Variants in SNTG1 observed in about 807,000 individuals in gnomAD.
SNTG1 encodes syntrophin gamma 1, also known as gamma-1-syntrophin.
In SNTG1, 39 loss-of-function variants were observed where a neutral mutation model predicts 74.7. The observed-to-expected ratio is 0.52, with a 90% CI of 0.40 to 0.68. The LOEUF is 0.68. Ranked by LOEUF, SNTG1 falls within the 30% of genes least tolerant of loss-of-function variation. The pLI is 0.00. For missense variants in SNTG1, 685 were observed against 609.5 expected, an observed-to-expected ratio of 1.12 and a Z score of -1.30; for synonymous variants, 254 against 217.1, an observed-to-expected ratio of 1.17 and a Z score of -1.49.
At chr8:50,141,596 T>C (rs117380935) in intron 1 of SNTG1, among the ~76,000 whole-genome samples, 2 of 152,194 alleles carry the variant, frequency 1.3e-5, no homozygotes, top group Admixed American at 6.6e-5. Flanking sequence ...ATGGAACATT[T>C]TGAGTATCTG....
intron 13 of SNTG1, among the ~76,000 whole-genome samples, chr8:50,649,029 T>C (rs1212779249): frequency 2.0e-5 from 3 of 152,234 alleles, no homozygotes; most frequent in Non-Finnish European, 2.9e-5. Flanking sequence ...TTCATTCATG[T>C]TGTTCCATGT....
intron 17 of SNTG1, among the ~76,000 whole-genome samples, chr8:50,747,280 G>A (rs548798916): frequency 3.9e-5 from 6 of 151,962 alleles, no homozygotes; most frequent in East Asian, 1.9e-4. Context: ...TTATGCTTCA[G>A]TAATTCCTTG....
chr8:50,780,964 G>T (rs984903093), intron 18 of SNTG1, among the ~76,000 whole-genome samples: 3 of 151,938 alleles, frequency 2.0e-5, no homozygotes, highest in Non-Finnish European at 4.4e-5. Flanking sequence ...ATTACGTACC[G>T]AGTAGTCATT....
At chr8:50,196,597 G>A (rs549111947) in intron 2 of SNTG1, among the ~76,000 whole-genome samples, 1 of 151,940 alleles carries the variant, frequency 6.6e-6, no homozygotes, top group African/African-American at 2.4e-5. Flanking sequence ...CTTCATAGAA[G>A]AGCAAGGAGA....
chr8:50,459,207 C>A (rs141758155), intron 8 of SNTG1, among the ~76,000 whole-genome samples: 111 of 152,204 alleles, frequency 7.3e-4, no homozygotes, highest in African/African-American at 2.4e-3. Flanking sequence ...TTTCCAAATT[C>A]TTAATGCTGT....
chr8:50,391,266 A>G (rs1215027881), intron 2 of SNTG1, among the ~76,000 whole-genome samples: 1 of 152,182 alleles, frequency 6.6e-6, no homozygotes, highest in Non-Finnish European at 1.5e-5. Context: ...ATGTATTGAG[A>G]GTCTTTAGCG....
chr8:50,282,369 C>T (rs1032940749), intron 2 of SNTG1, among the ~76,000 whole-genome samples: 1 of 152,150 alleles, frequency 6.6e-6, no homozygotes, highest in Non-Finnish European at 1.5e-5. Flanking sequence ...CCAAAATAAA[C>T]ATGTCTTTCA....
chr8:50,530,142 T>C (rs2094254973), intron 9 of SNTG1, 35 bp from the exon 10 acceptor site: 1 of 1,574,974 alleles, frequency 6.3e-7, no homozygotes, highest in Admixed American at 1.7e-5. Context: ...TATGGCATTC[T>C]CACCAGTGGA....
In SNTG1 at chr8:50,751,998, T is replaced by A. The variant is rs763934937; in HGVS notation, c.1285-3T>A. 1 of 1,538,710 alleles carries A rather than the reference T, an allele frequency of 6.5e-7. No homozygotes were observed. Among genetic ancestry groups the A allele is most frequent in the Admixed American group, 2.3e-5 (1 of 44,296 alleles). ...CTTACATTGTTTTTTTTCCCCCCTT[T>A]AGGCTGTCCTTTGGAGGTATAAATT... On this transcript the variant is annotated splice_region_variant and splice_polypyrimidine_tract_variant and intron_variant, in intron 17 of 18. Transcript: ENST00000642720.
At chr8:50,463,514 G>C (rs1279550103) in intron 8 of SNTG1, among the ~76,000 whole-genome samples, 1 of 152,116 alleles carries the variant, frequency 6.6e-6, no homozygotes, top group Non-Finnish European at 1.5e-5. Context: ...AGGGCTCTTG[G>C]GCGAGCAGGT....
At chr8:50,656,482 C>A (rs1378527127) in intron 13 of SNTG1, among the ~76,000 whole-genome samples, 1 of 152,144 alleles carries the variant, frequency 6.6e-6, no homozygotes, top group East Asian at 1.9e-4. Flanking sequence ...CATAAGATGT[C>A]TATCTGATTT....
chr8:50,232,250 C>T (rs2085666842), intron 2 of SNTG1, among the ~76,000 whole-genome samples: 1 of 151,350 alleles, frequency 6.6e-6, no homozygotes, highest in Non-Finnish European at 1.5e-5. Context: ...GAAATATACA[C>T]TGTGACCAAG....
chr8:50,693,599 C>T (rs111292818), intron 15 of SNTG1, among the ~76,000 whole-genome samples: 4 of 152,186 alleles, frequency 2.6e-5, no homozygotes, highest in East Asian at 1.9e-4. Context: ...TTGAACAATG[C>T]GTTAGACCAA....
chr8:50,280,309 A>C (rs1187894408), intron 2 of SNTG1, among the ~76,000 whole-genome samples: 5 of 152,202 alleles, frequency 3.3e-5, no homozygotes, highest in Non-Finnish European at 5.9e-5. Context: ...CAATTTCTGC[A>C]TTTGGAGGAC....
chr8:50,491,097 T>C (rs554228555), intron 8 of SNTG1: 1 of 152,512 alleles, frequency 6.6e-6, no homozygotes, highest in African/African-American at 2.4e-5. Flanking sequence ...CAGATGTCCT[T>C]GGCCCAGGGC....
At chr8:50,635,395 C>T (rs2131138658) in intron 13 of SNTG1, among the ~76,000 whole-genome samples, 1 of 152,200 alleles carries the variant, frequency 6.6e-6, no homozygotes, top group South Asian at 2.1e-4. Flanking sequence ...TTTTTCAGGC[C>T]CTAGGCTGGT....
intron 9 of SNTG1, among the ~76,000 whole-genome samples, chr8:50,516,216 G>C (rs1304614419): frequency 6.6e-6 from 1 of 151,770 alleles, no homozygotes; most frequent in Non-Finnish European, 1.5e-5. Flanking sequence ...TGATTGTTGG[G>C]AGAAAAACTA....
At chr8:50,111,152 G>C (rs1429651380) in intron 1 of SNTG1, among the ~76,000 whole-genome samples, 3 of 151,976 alleles carry the variant, frequency 2.0e-5, no homozygotes, top group Admixed American at 6.6e-5. Flanking sequence ...GTGTATTTTT[G>C]TTGTCATCGC....
intron 1 of SNTG1, among the ~76,000 whole-genome samples, chr8:49,936,524 G>A (rs1313609154): frequency 2.6e-5 from 4 of 152,096 alleles, no homozygotes; most frequent in African/African-American, 4.8e-5. Flanking sequence ...TTTTGAGAAT[G>A]AAAAATATAA....
Sources: gnomAD v4.1 joint callset for allele counts (sites outside exome capture counted in the v4.1 genomes callset) on GRCh38, gnomAD v4.1.1 for gene constraint, MANE v1.5 for transcripts, NCBI Gene and HGNC (gene_info 2026-07-23, HGNC 2026-07-21) for gene names.